Variants in ADGRV1 observed in about 807,000 individuals in gnomAD.
ADGRV1 encodes G-protein coupled receptor 98.
A neutral mutation model predicts 596.2 loss-of-function variants in ADGRV1; 359 were observed. The observed-to-expected ratio is 0.60, with a 90% confidence interval of 0.55 to 0.66. The LOEUF (loss-of-function observed/expected upper bound fraction) is 0.66. Ranked by LOEUF, ADGRV1 falls within the 30% of genes least tolerant of loss-of-function variation. The pLI is 0.00. For synonymous variants in ADGRV1, 2,681 were observed against 2,679.2 expected (o/e 1.00, Z -0.02); for missense variants, 7,274 against 7,575.6 (o/e 0.96, Z 1.48).
chr5:90,942,047 A>G (rs1776203903), intron 83 of ADGRV1, among the ~76,000 whole-genome samples: 1 of 152,212 alleles, frequency 6.6e-6, no homozygotes, highest in South Asian at 2.1e-4. Context: ...AAGAGGTTGT[A>G]CAAGAAGCCT....
chr5:90,882,772 A>AT (rs1401456904), intron 83 of ADGRV1, among the ~76,000 whole-genome samples: 4 of 152,302 alleles, frequency 2.6e-5, no homozygotes, highest in Admixed American at 1.3e-4. Context: ...AAAAATACAC[A>AT]TTTTTTAAAA....
intron 29 of ADGRV1, among the ~76,000 whole-genome samples, chr5:90,689,367 T>C (rs1020715342): frequency 4.3e-5 from 6 of 137,972 alleles, no homozygotes; most frequent in African/African-American, 1.7e-4. Flanking sequence ...TCTCCTGCCA[T>C]CCTGAGCAGT....
At chr5:90,950,783 C>T (rs1776993593) in intron 83 of ADGRV1, among the ~76,000 whole-genome samples, 1 of 152,168 alleles carries the variant, frequency 6.6e-6, no homozygotes, top group South Asian at 2.1e-4. Flanking sequence ...AAAATTTCAA[C>T]TTGGCACCTT....
At chr5:90,734,876 G>T (rs1180228625) in intron 50 of ADGRV1, among the ~76,000 whole-genome samples, 4 of 152,038 alleles carry the variant, frequency 2.6e-5, no homozygotes, top group African/African-American at 9.7e-5. Context: ...TTTTTAATTG[G>T]GTTGTTTCCT....
At chr5:90,696,765 G>GAT (rs758753886) in intron 33 of ADGRV1, among the ~76,000 whole-genome samples, 172 bp from the exon 34 acceptor site, 199 of 149,832 alleles carry the variant, frequency 1.3e-3, no homozygotes, top group East Asian at 6.2e-3. Flanking sequence ...TATGTGAAAA[G>GAT]ATATATATAT....
At chr5:90,771,704 T>C (rs1031567957) in intron 59 of ADGRV1, among the ~76,000 whole-genome samples, 4 of 152,188 alleles carry the variant, frequency 2.6e-5, no homozygotes, top group African/African-American at 9.6e-5. Context: ...ATAGCCTATA[T>C]ATAGTACCAT....
intron 21 of ADGRV1, among the ~76,000 whole-genome samples, chr5:90,664,905 C>T (rs1469718825): frequency 1.3e-5 from 2 of 151,172 alleles, no homozygotes; most frequent in Non-Finnish European, 2.9e-5. Flanking sequence ...TGTTTATATG[C>T]TGGATTACAT....
chr5:90,703,106 C>G lies in ADGRV1; in HGVS notation c.8156-559C>G, dbSNP rs547611062. Among the ~76,000 whole-genome samples the G allele has an allele frequency of 1.6e-3, 246 of 152,064 alleles. 1 individual carries two copies. Among genetic ancestry groups the G allele is most frequent in the African/African-American group, 5.7e-3 (237 of 41,540 alleles). On this transcript the variant is annotated intron_variant, in intron 34 of 89. Coordinates refer to ENST00000405460, the MANE Select transcript of ADGRV1 (RefSeq NM_032119.4). ...CCAGGAAGGATAACTGTAACTTTGG[C>G]AAAGTTACAGATGTTGATGTACAGA...
chr5:90,796,574 C>G (rs1760742613), intron 70 of ADGRV1, among the ~76,000 whole-genome samples: 1 of 152,088 alleles, frequency 6.6e-6, no homozygotes, highest in Admixed American at 6.5e-5. Context: ...GGAGAGCTTC[C>G]CCAACCTAGC....
intron 85 of ADGRV1, among the ~76,000 whole-genome samples, chr5:91,059,712 T>A (rs1226179711): frequency 6.6e-6 from 1 of 152,222 alleles, no homozygotes; most frequent in Non-Finnish European, 1.5e-5. Context: ...CTGTATTTCC[T>A]TTTAGTTTTA....
chr5:90,816,346 A>G (rs1257966536), intron 75 of ADGRV1, among the ~76,000 whole-genome samples: 1 of 151,408 alleles, frequency 6.6e-6, no homozygotes, highest in Non-Finnish European at 1.5e-5. Flanking sequence ...CATAATAGAA[A>G]AATATATTTT....
intron 1 of ADGRV1, among the ~76,000 whole-genome samples, chr5:90,585,716 G>A (rs1758669928): frequency 1.3e-5 from 2 of 152,214 alleles, no homozygotes; most frequent in Non-Finnish European, 2.9e-5. Flanking sequence ...TTAGTCAGCT[G>A]AAAGAGAAGC....
chr5:90,825,438 A>T (rs1266138972), intron 76 of ADGRV1, among the ~76,000 whole-genome samples: 2 of 152,228 alleles, frequency 1.3e-5, no homozygotes, highest in Non-Finnish European at 2.9e-5. Flanking sequence ...AGCTGTTCAA[A>T]AATTAGAATA....
intron 1 of ADGRV1, 158 bp from the exon 2 acceptor site, chr5:90,614,677 T>TCA: frequency 2.9e-6 from 2 of 694,218 alleles, no homozygotes; most frequent in East Asian, 5.6e-5. Flanking sequence ...ACTTCTGTCG[T>TCA]CACATATTTG....
At chr5:90,936,054 T>C (rs1296728643) in intron 83 of ADGRV1, among the ~76,000 whole-genome samples, 1 of 152,344 alleles carries the variant, frequency 6.6e-6, no homozygotes, top group East Asian at 1.9e-4. Flanking sequence ...TGATGAGGCC[T>C]GAAAATCTGC....
chr5:90,745,050 C>T lies in ADGRV1; in HGVS notation c.10554C>T (p.His3518=). ...HSFTPASGIA[H]ILLIGQDMSA... is the part of the protein sequence containing the mutation. ...TTTTTTCTTTCCTTCCTGCAGCCCA[C>T]ATACTTCTTATTGGCCAAGATATGT... The change falls in exon 51 of 90, where the codon CAC becomes CAT. Residue 3518 remains histidine, a synonymous_variant. Coordinates refer to ENST00000405460, the MANE Select transcript of ADGRV1 (RefSeq NM_032119.4). 1 of 1,612,738 alleles carries T rather than the reference C, an allele frequency of 6.2e-7. No homozygotes were observed. The highest frequency in any genetic ancestry group is 8.5e-7 in the Non-Finnish European group (1 of 1,178,850).
At chr5:91,113,176 A>G (rs1273259574) in intron 87 of ADGRV1, among the ~76,000 whole-genome samples, 1 of 152,100 alleles carries the variant, frequency 6.6e-6, no homozygotes, top group East Asian at 1.9e-4. Flanking sequence ...CTGCTTTCAG[A>G]TATGTACCAA....
chr5:90,943,821 T>C (rs2150871891), intron 83 of ADGRV1, among the ~76,000 whole-genome samples: 1 of 152,188 alleles, frequency 6.6e-6, no homozygotes. Flanking sequence ...ATGGCCTTCT[T>C]ATAAGAACAT....
At position 90,860,495 on chromosome 5, in the gene ADGRV1, T is replaced by C. The variant is rs1038449293; in HGVS notation, c.17756-3262T>C. On this transcript the variant is annotated intron_variant, in intron 82 of 89. Transcript: ENST00000405460. ...TTGTATTTTTGGTAGAGACGGGGTT[T>C]TGTGCCTTTAGCTTATTAGTAGCAG... Among the ~76,000 whole-genome samples, 3 of 152,098 alleles carry C rather than the reference T, an allele frequency of 2.0e-5. No homozygotes were observed. The East Asian group carries it at 5.8e-4, about 29-fold the overall frequency.
Sources: gnomAD v4.1 joint callset for allele counts (sites outside exome capture counted in the v4.1 genomes callset) on GRCh38, gnomAD v4.1.1 for gene constraint, MANE v1.5 for transcripts, NCBI Gene and HGNC (gene_info 2026-07-23, HGNC 2026-07-21) for gene names.